Variants in SNAI2 observed in about 807,000 individuals in gnomAD.
SNAI2 encodes zinc finger protein SNAI2.
In SNAI2, 2 loss-of-function variants were observed where a neutral mutation model predicts 22.4. The observed-to-expected ratio is 0.09, with a 90% CI of 0.04 to 0.28. The LOEUF (loss-of-function observed/expected upper bound fraction) is 0.28, where lower values mean the gene tolerates loss of function less well. SNAI2 is among the 10% of genes least tolerant of loss of function. The pLI, the probability that SNAI2 is intolerant of heterozygous loss-of-function variation, is 1.00. For missense variants in SNAI2, 239 were observed against 320.8 expected (o/e 0.75, Z 1.95); for synonymous variants, 134 against 123.0 (o/e 1.09, Z -0.59).
rs748917911 is a variant in SNAI2, at chr8:48,920,164, G to T, written c.357C>A (p.Asp119Glu). The change falls in exon 2 of 3, where the codon GAC becomes GAA. Residue 119 changes from aspartate (D) to glutamate (E), a missense_variant. Asp to Glu is a conservative substitution (Grantham distance 45). Transcript: ENST00000020945. Reference sequence around the variant, plus strand: ...ACTTTTCAGCTTCAATGGCATGGGGGTCTGAAAGCTTGGACTGTAGTCTTT... The same window carrying T: ...ACTTTTCAGCTTCAATGGCATGGGGTTCTGAAAGCTTGGACTGTAGTCTTT... ...EEERLQSKLS[D>E]PHAIEAEKFQ... The T allele has an allele frequency of 4.8e-5, 77 of 1,614,106 alleles. No individual in the cohort carries two copies. The highest frequency in any genetic ancestry group is 6.3e-5 in the Non-Finnish European group (74 of 1,180,050).
intron 1 of SNAI2, 36 bp from the exon 2 acceptor site, chr8:48,920,477 A>G (rs1806146268): frequency 6.6e-7 from 1 of 1,526,598 alleles, no homozygotes; most frequent in Non-Finnish European, 9.1e-7. Context: ...AGATTAAGGC[A>G]AAAATAATTA....
Position 48,918,723 on chromosome 8 carries a change from G to A in SNAI2, c.*84C>T, listed in dbSNP as rs1806115812. 6.9e-7 allele frequency: 1 copy of A among 1,447,030 alleles called. No individual in the cohort carries two copies. Among genetic ancestry groups the A allele is most frequent in the Non-Finnish European group, 9.7e-7 (1 of 1,029,202 alleles). 89.6% of individuals were successfully genotyped at this position (1,447,030 alleles called of 1,614,324 possible). A position where few individuals can be genotyped will look rare whatever the true frequency, so the allele number is the denominator to read the frequency against. ...CATATTATTTGGTTGGTCAGCACAG[G>A]AGAAAATGCCTTTGGACTTTATTTG... is the stretch of plus-strand genomic sequence containing the variant. On this transcript the variant is annotated 3_prime_UTR_variant, in exon 3 of 3. Coordinates refer to ENST00000020945, the MANE Select transcript of SNAI2 (RefSeq NM_003068.5).
rs763181346 is a variant in SNAI2 at position 48,920,304 on chromosome 8, G to A, written c.217C>T (p.Leu73Phe). ...GAGGAGTATCCGGAAAGAGGAGAGA[G>A]GCCATTGGGTAGCTGGGCGTGGAAT... ...APFHAQLPNG[L>F]SPLSGYSSSL... Residue 73 changes from leucine to phenylalanine, a missense_variant, in exon 2 of 3, where the codon CTC (leucine) becomes TTC (phenylalanine). Physicochemically the swap from Leu to Phe is conservative, Grantham distance 22 (BLOSUM62 0). Transcript: ENST00000020945. The A allele has an allele frequency of 1.2e-6, 2 of 1,612,284 alleles. No homozygotes were observed. Among genetic ancestry groups the A allele is most frequent in the East Asian group, 2.2e-5 (1 of 44,820 alleles).
At position 48,918,709 on chromosome 8, in the gene SNAI2, G is replaced by C. The variant is rs1806115540; in HGVS notation, c.*98C>G. On this transcript the variant is annotated 3_prime_UTR_variant, in exon 3 of 3. Coordinates refer to ENST00000020945, the MANE Select transcript of SNAI2 (RefSeq NM_003068.5). The stretch of plus-strand genomic sequence containing the variant: ...TGTGTGTGTCTATACATATTATTTG[G>C]TTGGTCAGCACAGGAGAAAATGCCT... 8.6e-7 allele frequency: 1 copy of C among 1,166,144 alleles called. No homozygotes were observed. Among genetic ancestry groups the C allele is most frequent in the East Asian group, 2.3e-5 (1 of 42,746 alleles). The allele number at this position is 1,166,144 out of a possible 1,614,324, so 72.2% of individuals were successfully genotyped here.
At position 48,918,762 on chromosome 8, in the gene SNAI2, G is replaced by T; in HGVS notation, c.*45C>A. ...GGACTTTATTTGTCATTTGGCTTCG[G>T]AGTGAAGAAATGCATTCTGTTCGAG... is the stretch of plus-strand genomic sequence containing the variant. On this transcript the variant is annotated 3_prime_UTR_variant, in exon 3 of 3. Coordinates refer to ENST00000020945, the MANE Select transcript of SNAI2 (RefSeq NM_003068.5). 1 of 1,607,012 alleles carries T rather than the reference G, an allele frequency of 6.2e-7. No individual in the cohort carries two copies. Among genetic ancestry groups the T allele is most frequent in the Middle Eastern group, 1.7e-4 (1 of 6,048 alleles).
intron 2 of SNAI2, 114 bp downstream of exon 2, chr8:48,919,782 C>CCTTCCTTT: frequency 8.9e-7 from 1 of 1,117,504 alleles, no homozygotes; most frequent in East Asian, 2.3e-5. Flanking sequence ...AAGTAGCTAT[C>CCTTCCTTT]AATGACTGTC....
intron 1 of SNAI2, 145 bp from the exon 2 acceptor site, chr8:48,920,586 A>G (rs1423062407): frequency 2.7e-6 from 2 of 744,974 alleles, no homozygotes; most frequent in African/African-American, 3.5e-5. Flanking sequence ...AGGAGGGCAT[A>G]CACACTGGTA....
chr8:48,918,750 C>A lies in SNAI2; in HGVS notation c.*57G>T. 1.3e-6 allele frequency: 2 copies of A among 1,596,422 alleles called. No individual in the cohort carries two copies. The highest frequency in any genetic ancestry group is 2.2e-5 in the South Asian group (2 of 90,502). ...GAAAATGCCTTTGGACTTTATTTGT[C>A]ATTTGGCTTCGGAGTGAAGAAATGC... On this transcript the variant is annotated 3_prime_UTR_variant, in exon 3 of 3. Coordinates refer to ENST00000020945, the MANE Select transcript of SNAI2 (RefSeq NM_003068.5).
Position 48,920,447 on chromosome 8 carries a change from A to G in SNAI2, c.80-6T>C. ...GAGATACGGGGAAATAATCACTGGG[A>G]AAGAAAAGGGAGGGAGAGAAGATTA... On this transcript the variant is annotated splice_region_variant and splice_polypyrimidine_tract_variant and intron_variant, in intron 1 of 2. Transcript: ENST00000020945. The G allele has an allele frequency of 6.2e-7, 1 of 1,613,316 alleles. No individual in the cohort carries two copies. Among genetic ancestry groups the G allele is most frequent in the Non-Finnish European group, 8.5e-7 (1 of 1,179,284 alleles).
At chr8:48,919,680 CA>C (rs1319648975) in intron 2 of SNAI2, among the ~76,000 whole-genome samples, 1 of 152,198 alleles carries the variant, frequency 6.6e-6, no homozygotes, top group Non-Finnish European at 1.5e-5. Context: ...ATCTACTTTC[CA>C]AAGTCTACAT....
chr8:48,921,368 T>TGCTCAGGTGCGGC lies in SNAI2; in HGVS notation c.-116_-104dup. Reference sequence around the variant, plus strand: ...GCGGGCCAGGCTCGGGCAGGGGCCGTGCTCAGGTGCGGCAGACGGACGGGC... The same window carrying TGCTCAGGTGCGGC: ...GCGGGCCAGGCTCGGGCAGGGGCCGTGCTCAGGTGCGGCGCTCAGGTGCGGCAGACGGACGGGC... On this transcript the variant is annotated 5_prime_UTR_variant, in exon 1 of 3. Coordinates refer to ENST00000020945, the MANE Select transcript of SNAI2 (RefSeq NM_003068.5). 2.3e-6 allele frequency: 2 copies of TGCTCAGGTGCGGC among 887,764 alleles called. No individual in the cohort carries two copies. The highest frequency in any genetic ancestry group is 3.7e-6 in the Non-Finnish European group (2 of 535,008). The allele number at this position is 887,764 out of a possible 1,614,324, so 55.0% of individuals were successfully genotyped here. A position where few individuals can be genotyped will look rare whatever the true frequency, so the allele number is the denominator to read the frequency against.
Position 48,918,708 on chromosome 8 carries a change from G to C in SNAI2, c.*99C>G. On this transcript the variant is annotated 3_prime_UTR_variant, in exon 3 of 3. Coordinates refer to ENST00000020945, the MANE Select transcript of SNAI2 (RefSeq NM_003068.5). ...GTGTGTGTGTCTATACATATTATTT[G>C]GTTGGTCAGCACAGGAGAAAATGCC... 1 of 1,109,528 alleles carries C rather than the reference G, an allele frequency of 9.0e-7. No homozygotes were observed. The highest frequency in any genetic ancestry group is 1.4e-6 in the Non-Finnish European group (1 of 724,820). 68.7% of individuals were successfully genotyped at this position (1,109,528 alleles called of 1,614,324 possible). A position where few individuals can be genotyped will look rare whatever the true frequency, so the allele number is the denominator to read the frequency against.
chr8:48,919,573 T>C (rs1400973291), intron 2 of SNAI2, among the ~76,000 whole-genome samples: 1 of 152,206 alleles, frequency 6.6e-6, no homozygotes, highest in African/African-American at 2.4e-5. Flanking sequence ...GATAGCAACA[T>C]TTGTATTTGC....
At chr8:48,920,801 T>C (rs1806151696) in intron 1 of SNAI2, among the ~76,000 whole-genome samples, 1 of 152,190 alleles carries the variant, frequency 6.6e-6, no homozygotes, top group African/African-American at 2.4e-5. Context: ...ATGGGCTATT[T>C]AGGTGTATTA....
chr8:48,921,339 C>CGCG lies in SNAI2; in HGVS notation c.-77_-75dup. 1 of 1,194,678 alleles carries CGCG rather than the reference C, an allele frequency of 8.4e-7. No individual in the cohort carries two copies. The highest frequency in any genetic ancestry group is 1.2e-6 in the Non-Finnish European group (1 of 809,252). The allele number at this position is 1,194,678 out of a possible 1,614,324, so 74.0% of individuals were successfully genotyped here. A position where few individuals can be genotyped will look rare whatever the true frequency, so the allele number is the denominator to read the frequency against. On this transcript the variant is annotated 5_prime_UTR_variant, in exon 1 of 3. Coordinates refer to ENST00000020945, the MANE Select transcript of SNAI2 (RefSeq NM_003068.5). ...GAGGACACGGCGGTCCCTACAGCAT[C>CGCG]GCGGCGGGCCAGGCTCGGGCAGGGG... is the stretch of plus-strand genomic sequence containing the variant.
At position 48,920,290 on chromosome 8, in the gene SNAI2, G is replaced by A. The variant is rs1806142216; in HGVS notation, c.231C>T (p.Ser77=). ...AQLPNGLSPL[S]GYSSSLGRVS... ...CTCGCCCCAAAGATGAGGAGTATCC[G>A]GAAAGAGGAGAGAGGCCATTGGGTA... The change falls in exon 2 of 3, where the codon TCC becomes TCT. Residue 77 remains serine (S), a synonymous_variant. Coordinates refer to ENST00000020945, the MANE Select transcript of SNAI2 (RefSeq NM_003068.5). The A allele has an allele frequency of 3.1e-6, 5 of 1,612,720 alleles. No individual in the cohort carries two copies. Among genetic ancestry groups the A allele is most frequent in the African/African-American group, 1.3e-5 (1 of 74,786 alleles).
chr8:48,919,765 A>T lies in SNAI2; in HGVS notation c.625+131T>A, dbSNP rs940428629. On this transcript the variant is annotated intron_variant, in intron 2 of 2. Coordinates refer to ENST00000020945, the MANE Select transcript of SNAI2 (RefSeq NM_003068.5). ...TTTGTGCCCTAACAACTTTTTGAGT[A>T]GTCAGGAAGTAGCTATCAATGACTG... 40 of 981,500 alleles carry T rather than the reference A, an allele frequency of 4.1e-5. No individual in the cohort carries two copies. In the East Asian group the frequency reaches 9.6e-4, roughly 24 times the overall value. The allele number at this position is 981,500 out of a possible 1,614,324, so 60.8% of individuals were successfully genotyped here. A position where few individuals can be genotyped will look rare whatever the true frequency, so the allele number is the denominator to read the frequency against.
chr8:48,918,766 G>A lies in SNAI2; in HGVS notation c.*41C>T. 6.2e-7 allele frequency: 1 copy of A among 1,609,876 alleles called. No homozygotes were observed. Among genetic ancestry groups the A allele is most frequent in the Non-Finnish European group, 8.5e-7 (1 of 1,176,210 alleles). Reference sequence around the variant, plus strand: ...TTTATTTGTCATTTGGCTTCGGAGTGAAGAAATGCATTCTGTTCGAGTAAA... The same window carrying A: ...TTTATTTGTCATTTGGCTTCGGAGTAAAGAAATGCATTCTGTTCGAGTAAA... On this transcript the variant is annotated 3_prime_UTR_variant, in exon 3 of 3. Transcript: ENST00000020945.
rs1183484772 is a variant in SNAI2 at position 48,921,330 on chromosome 8, C to T, written c.-65G>A. ...GTCCGGCGGGAGGACACGGCGGTCC[C>T]TACAGCATCGCGGCGGGCCAGGCTC... On this transcript the variant is annotated 5_prime_UTR_variant, in exon 1 of 3. It removes the in-frame stop codon of an upstream open reading frame in the 5' UTR. Coordinates refer to ENST00000020945, the MANE Select transcript of SNAI2 (RefSeq NM_003068.5). 7.8e-6 allele frequency: 10 copies of T among 1,274,722 alleles called. No individual in the cohort carries two copies. The highest frequency in any genetic ancestry group is 1.0e-5 in the Non-Finnish European group (9 of 880,820). 79.0% of individuals were successfully genotyped at this position (1,274,722 alleles called of 1,614,324 possible). A position where few individuals can be genotyped will look rare whatever the true frequency, so the allele number is the denominator to read the frequency against.
Sources: gnomAD v4.1 joint callset for allele counts (sites outside exome capture counted in the v4.1 genomes callset) on GRCh38, gnomAD v4.1.1 for gene constraint, MANE v1.5 for transcripts, NCBI Gene and HGNC (gene_info 2026-07-23, HGNC 2026-07-21) for gene names.